Variants in KAZN observed in about 807,000 individuals in gnomAD.
The protein encoded by KAZN is kazrin, periplakin interacting protein.
Under a neutral mutation model 87.4 loss-of-function variants are expected in KAZN, and 40 were observed. The ratio of observed to expected loss-of-function variants is 0.46; its 90% CI spans 0.36 to 0.60. The LOEUF is 0.60. Among genes scored for constraint, KAZN ranks in the 20% least tolerant of loss-of-function variants. The pLI, the probability that KAZN is intolerant of heterozygous loss-of-function variation, is 0.00. For missense variants in KAZN, 898 were observed against 1,073.9 expected, an observed-to-expected ratio of 0.84 and a Z score of 2.29; for synonymous variants, 466 against 458.3, an observed-to-expected ratio of 1.02 and a Z score of -0.22.
At chr1:14,916,170 C>CTTTTTTTTTTT (rs71307000) in intron 1 of KAZN, among the ~76,000 whole-genome samples, 97 of 113,562 alleles carry the variant, frequency 8.5e-4, no homozygotes, top group Non-Finnish European at 1.1e-3. Flanking sequence ...CACTGTTGTT[C>CTTTTTTTTTTT]TTTTTTTTTT....
At chr1:13,995,091 T>C (rs1256711736) in intron 1 of KAZN, among the ~76,000 whole-genome samples, 1 of 151,988 alleles carries the variant, frequency 6.6e-6, no homozygotes. Context: ...AACAAAGATC[T>C]ACAAAAAGCT....
At chr1:14,645,119 A>G (rs972083814) in intron 1 of KAZN, among the ~76,000 whole-genome samples, 2 of 152,114 alleles carry the variant, frequency 1.3e-5, no homozygotes, top group African/African-American at 2.4e-5. Flanking sequence ...TTGGGTGTGC[A>G]GCCTTATTTC....
intron 2 of KAZN, among the ~76,000 whole-genome samples, chr1:14,552,593 G>A (rs945429175): frequency 6.6e-6 from 1 of 152,180 alleles, no homozygotes; most frequent in Non-Finnish European, 1.5e-5. Context: ...AAAGGAGAAG[G>A]GGTTCTCTCC....
chr1:14,033,091 T>G (rs1177600397), intron 1 of KAZN, among the ~76,000 whole-genome samples: 2 of 152,168 alleles, frequency 1.3e-5, no homozygotes, highest in African/African-American at 2.4e-5. Flanking sequence ...GTTGAAGGAA[T>G]GGAAGAACTT....
chr1:14,560,532 C>A (rs1369245661), intron 2 of KAZN, among the ~76,000 whole-genome samples: 1 of 152,100 alleles, frequency 6.6e-6, no homozygotes, highest in African/African-American at 2.4e-5. Flanking sequence ...GAGCCGAGAT[C>A]GCGCCACTGC....
chr1:14,938,692 C>T (rs1261421833), intron 1 of KAZN, among the ~76,000 whole-genome samples: 1 of 152,188 alleles, frequency 6.6e-6, no homozygotes, highest in African/African-American at 2.4e-5. Flanking sequence ...CAGTTAGCAT[C>T]TGCCCGGGCT....
At chr1:14,708,858 G>A (rs1199147301) in intron 1 of KAZN, among the ~76,000 whole-genome samples, 1 of 152,212 alleles carries the variant, frequency 6.6e-6, no homozygotes, top group African/African-American at 2.4e-5. Context: ...TTATCGTTTT[G>A]TTTGCCCTCA....
At chr1:14,239,530 G>T (rs1363676950) in intron 2 of KAZN, among the ~76,000 whole-genome samples, 1 of 139,678 alleles carries the variant, frequency 7.2e-6, no homozygotes, top group Non-Finnish European at 1.5e-5. Context: ...GCGCAATCTC[G>T]GCTCACTGCA....
At chr1:14,179,950 A>G (rs974076943) in intron 1 of KAZN, among the ~76,000 whole-genome samples, 2 of 152,208 alleles carry the variant, frequency 1.3e-5, no homozygotes, top group Admixed American at 6.5e-5. Context: ...ATTGGAAAAC[A>G]TGGCCACTGT....
chr1:15,002,733 T>A (rs866047982), intron 2 of KAZN, among the ~76,000 whole-genome samples: 46 of 151,778 alleles, frequency 3.0e-4, no homozygotes, highest in African/African-American at 9.9e-4. Flanking sequence ...CCCAGCACTT[T>A]GGGAGGCCAA....
chr1:14,780,698 C>T (rs1264970303), intron 1 of KAZN, among the ~76,000 whole-genome samples: 1 of 152,114 alleles, frequency 6.6e-6, no homozygotes, highest in Non-Finnish European at 1.5e-5. Context: ...ATAAAAAATA[C>T]GAAGTGCTCA....
chr1:13,911,944 T>G (rs1231649173), intron 1 of KAZN, among the ~76,000 whole-genome samples: 1 of 152,150 alleles, frequency 6.6e-6, no homozygotes, highest in Non-Finnish European at 1.5e-5. Flanking sequence ...TGCTTGGCTA[T>G]TTATTGATGT....
rs1281525038 is a variant in KAZN, at chr1:14,210,405, T to C, written c.249+29813T>C. Among the ~76,000 whole-genome samples, 2 of 152,254 alleles carry C rather than the reference T, an allele frequency of 1.3e-5. 1 individual carries two copies. The highest frequency in any genetic ancestry group is 2.9e-5 in the Non-Finnish European group (2 of 68,044). Reference sequence around the variant, plus strand: ...TTTATAAATTACCCAGTCTCGGGTATGTCTTTATTAGCAGTGTGAGAATGC... The same window carrying C: ...TTTATAAATTACCCAGTCTCGGGTACGTCTTTATTAGCAGTGTGAGAATGC... On this transcript the variant is annotated intron_variant, in intron 2 of 16. Transcript: ENST00000636203.
chr1:14,269,638 A>G (rs569801342), intron 2 of KAZN, among the ~76,000 whole-genome samples: 52 of 152,196 alleles, frequency 3.4e-4, no homozygotes, highest in South Asian at 1.7e-3. Flanking sequence ...GGAAAATACA[A>G]TGGAAAACTC....
intron 1 of KAZN, among the ~76,000 whole-genome samples, chr1:14,050,277 C>G (rs1238810118): frequency 2.0e-5 from 3 of 152,310 alleles, no homozygotes; most frequent in Middle Eastern, 3.4e-3. Flanking sequence ...TGTTTGCATA[C>G]TATAATTTGG....
intron 8 of KAZN, among the ~76,000 whole-genome samples, chr1:15,074,581 C>T (rs1639655736): frequency 6.6e-6 from 1 of 152,210 alleles, no homozygotes; most frequent in African/African-American, 2.4e-5. Context: ...TTCTGGAAGT[C>T]TATAAGACAA....
chr1:14,084,878 A>G (rs1278463944), intron 1 of KAZN, among the ~76,000 whole-genome samples: 1 of 152,022 alleles, frequency 6.6e-6, no homozygotes, highest in Non-Finnish European at 1.5e-5. Flanking sequence ...TTAAAGTATA[A>G]TAAAAAAAAG....
chr1:14,275,939 T>C (rs1347651557), intron 2 of KAZN, among the ~76,000 whole-genome samples: 1 of 152,136 alleles, frequency 6.6e-6, no homozygotes, highest in Non-Finnish European at 1.5e-5. Flanking sequence ...TCAACCATGG[T>C]CCTATGTAAA....
chr1:15,043,617 T>C (rs991042820), intron 3 of KAZN, among the ~76,000 whole-genome samples: 6 of 148,320 alleles, frequency 4.0e-5, no homozygotes, highest in Non-Finnish European at 8.9e-5. Context: ...CCACATGTCA[T>C]GGGGCCTCCC....
Sources: allele counts gnomAD v4.1 joint callset (sites outside exome capture counted in the v4.1 genomes callset), GRCh38; gene constraint gnomAD v4.1.1; transcripts MANE v1.5; gene names NCBI Gene and HGNC (gene_info 2026-07-23, HGNC 2026-07-21).